Variants in LTA4H observed in about 807,000 individuals in gnomAD.
LTA4H encodes leukotriene A4 hydrolase.
LTA4H carries 59 observed loss-of-function variants against 89.8 expected under a neutral mutation model. That is an observed-to-expected ratio of 0.66 (90% CI 0.53 to 0.82). The LOEUF (loss-of-function observed/expected upper bound fraction) is 0.82. Ranked by LOEUF, LTA4H falls within the 40% of genes least tolerant of loss-of-function variation. The pLI is 0.00. For synonymous variants in LTA4H, 227 were observed against 253.1 expected (o/e 0.90, Z 0.98); for missense variants, 617 against 727.0 (o/e 0.85, Z 1.74).
chr12:96,042,289 T>G (rs947210945), intron 1 of LTA4H, among the ~76,000 whole-genome samples: 1 of 152,096 alleles, frequency 6.6e-6, no homozygotes, highest in Non-Finnish European at 1.5e-5. Flanking sequence ...GCAGGCCAGG[T>G]CCACTAACGC....
chr12:96,037,859 TG>T (rs576138282), upstream of LTA4H, among the ~76,000 whole-genome samples: 181 of 151,818 alleles, frequency 1.2e-3, no homozygotes, highest in African/African-American at 4.1e-3. Context: ...TAATTTTTTG[TG>T]TGTGTATTTT....
At chr12:96,018,503 G>T (rs968361268) in intron 8 of LTA4H, among the ~76,000 whole-genome samples, 1 of 152,020 alleles carries the variant, frequency 6.6e-6, no homozygotes, top group East Asian at 1.9e-4. Flanking sequence ...AGCTGAGATT[G>T]TGCCACTGCA....
chr12:96,024,990 A>C (rs1566014419), intron 3 of LTA4H, among the ~76,000 whole-genome samples: 1 of 152,226 alleles, frequency 6.6e-6, no homozygotes, highest in Non-Finnish European at 1.5e-5. Context: ...TTAAAGTCCA[A>C]AAATAGATTC....
At chr12:96,018,699 C>T (rs2136894899) in intron 8 of LTA4H, 64 bp downstream of exon 8, 1 of 1,255,678 alleles carries the variant, frequency 8.0e-7, no homozygotes, top group Middle Eastern at 2.2e-4. Context: ...ATTATTAGGA[C>T]TCCTAAGGTT....
chr12:96,016,680 T>C (rs1469928059), intron 10 of LTA4H, among the ~76,000 whole-genome samples: 2 of 150,014 alleles, frequency 1.3e-5, no homozygotes, highest in East Asian at 4.0e-4. Flanking sequence ...GTGGGTGGAT[T>C]GCCTGAGCTC....
At chr12:96,035,716 G>A (rs1337774555), upstream of LTA4H, 2 of 1,359,294 alleles carry the variant, frequency 1.5e-6, no homozygotes, top group Admixed American at 3.1e-5. Context: ...CCATGGTGCC[G>A]CGCGGCAAGC....
chr12:96,018,049 T>C (rs1566010178), intron 8 of LTA4H, among the ~76,000 whole-genome samples: 1 of 152,290 alleles, frequency 6.6e-6, no homozygotes, highest in East Asian at 1.9e-4. Flanking sequence ...CATAGCAGCG[T>C]TCTATGGCCC....
intron 1 of LTA4H, among the ~76,000 whole-genome samples, chr12:96,034,519 T>A (rs146600392): frequency 1.1e-4 from 16 of 152,340 alleles, no homozygotes; most frequent in African/African-American, 3.1e-4. Flanking sequence ...TGGAACCAAC[T>A]ATTAAAAAAG....
At chr12:96,011,641 C>A (rs1456811249) in intron 14 of LTA4H, 1 of 152,184 alleles carries the variant, frequency 6.6e-6, no homozygotes, top group Non-Finnish European at 1.5e-5. Context: ...TACATATTTG[C>A]TCTGTGAGTT....
chr12:96,024,867 C>T (rs1950496016), intron 3 of LTA4H, among the ~76,000 whole-genome samples: 1 of 152,070 alleles, frequency 6.6e-6, no homozygotes, highest in South Asian at 2.1e-4. Flanking sequence ...GGGGTTTCTC[C>T]ATGTTGATCA....
At chr12:96,037,174 G>A (rs1357072545), upstream of LTA4H, among the ~76,000 whole-genome samples, 1 of 152,196 alleles carries the variant, frequency 6.6e-6, no homozygotes, top group Non-Finnish European at 1.5e-5. Flanking sequence ...TATGAAATTT[G>A]AGAACCTATG....
chr12:96,023,349 G>A (rs1023482727), intron 4 of LTA4H, among the ~76,000 whole-genome samples: 5 of 152,142 alleles, frequency 3.3e-5, no homozygotes, highest in African/African-American at 1.2e-4. Flanking sequence ...CTGAGGTTGC[G>A]AGGTCATAAA....
chr12:96,033,607 G>A (rs1345291681), intron 1 of LTA4H, among the ~76,000 whole-genome samples: 2 of 152,010 alleles, frequency 1.3e-5, no homozygotes, highest in African/African-American at 4.8e-5. Context: ...TGTGCAGAAC[G>A]TGCAGGTTTG....
chr12:96,017,611 T>C, intron 8 of LTA4H, 31 bp from the exon 9 acceptor site: 2 of 1,567,796 alleles, frequency 1.3e-6, no homozygotes, highest in Non-Finnish European at 1.8e-6. Context: ...CTTAGTATTT[T>C]AGTAATCGAA....
exon 1 of LTA4H, chr12:96,043,500 G>C (rs1277455468): frequency 3.2e-6 from 2 of 630,384 alleles, no homozygotes; most frequent in Admixed American, 2.5e-5. Flanking sequence ...CCAGCTACTC[G>C]GGAGGCTGAG....
intron 1 of LTA4H, among the ~76,000 whole-genome samples, chr12:96,042,031 T>C (rs1378581218): frequency 6.9e-6 from 1 of 145,946 alleles, no homozygotes. Context: ...TTACCCAGGC[T>C]GAAGTGCAGT....
chr12:96,002,581 CAA>C (rs63055960), intron 18 of LTA4H, among the ~76,000 whole-genome samples: 6,151 of 152,242 alleles, frequency 0.04, 145 homozygotes, highest in Non-Finnish European at 0.064. Flanking sequence ...CATTTGAACA[CAA>C]AAGAGTTAGC....
chr12:96,023,232 C>A (rs80237322), intron 4 of LTA4H, among the ~76,000 whole-genome samples: 3,120 of 152,272 alleles, frequency 0.02, 106 homozygotes, highest in African/African-American at 0.071. Context: ...GTTCCTGAAC[C>A]AGTGCTACAA....
chr12:96,021,005 G>A, intron 6 of LTA4H, 80 bp downstream of exon 6: 1 of 1,064,236 alleles, frequency 9.4e-7, no homozygotes, highest in Non-Finnish European at 1.4e-6. Context: ...GCAAATGATT[G>A]ACCAATTAAC....
Sources: gnomAD v4.1 joint callset for allele counts (sites outside exome capture counted in the v4.1 genomes callset) on GRCh38, gnomAD v4.1.1 for gene constraint, MANE v1.5 for transcripts, NCBI Gene and HGNC (gene_info 2026-07-23, HGNC 2026-07-21) for gene names.